The following CCDC171 variants were observed in gnomAD, a reference collection of about 807,000 sequenced individuals.
CCDC171 encodes coiled-coil domain-containing protein 171.
CCDC171 carries 177 observed loss-of-function variants against 168.2 expected under a neutral mutation model. That is an observed-to-expected ratio of 1.05 (90% CI 0.93 to 1.19). The LOEUF is 1.19. CCDC171 is among the 50% of genes most tolerant of loss of function. CCDC171 has a pLI of 0.00. For missense variants in CCDC171, 1,991 were observed against 1,539.0 expected, an observed-to-expected ratio of 1.29 and a Z score of -4.91; for synonymous variants, 687 against 540.8, an observed-to-expected ratio of 1.27 and a Z score of -3.75.
chr9:15,892,832 A>G (rs1820399275), intron 24 of CCDC171, among the ~76,000 whole-genome samples: 1 of 152,220 alleles, frequency 6.6e-6, no homozygotes. Flanking sequence ...GATAAGAAGA[A>G]TCAATATTGT....
In CCDC171 at chr9:15,809,180, G is replaced by A. The variant is rs78082769; in HGVS notation, c.3267+24486G>A. Among the ~76,000 whole-genome samples, 1,076 of 152,288 alleles carry A rather than the reference G, an allele frequency of 7.1e-3. 9 individuals carry two copies. Among genetic ancestry groups the A allele is most frequent in the African/African-American group, 0.025 (1,022 of 41,568 alleles). On this transcript the variant is annotated intron_variant, in intron 21 of 25. Coordinates refer to ENST00000380701, the MANE Select transcript of CCDC171 (RefSeq NM_173550.4). Reference sequence around the variant, plus strand: ...CAAATCATAGCAAGTGGGTATTGGAGTTAGATAATAATTGTGAGCCAGGCA... The same window carrying A: ...CAAATCATAGCAAGTGGGTATTGGAATTAGATAATAATTGTGAGCCAGGCA...
intron 16 of CCDC171, among the ~76,000 whole-genome samples, chr9:15,735,128 G>T (rs901311002): frequency 2.6e-5 from 4 of 152,026 alleles, no homozygotes; most frequent in African/African-American, 9.7e-5. Flanking sequence ...CTTTAAAACA[G>T]TTAGTGTAAA....
At chr9:15,904,088 T>C (rs1361362861) in intron 24 of CCDC171, among the ~76,000 whole-genome samples, 1 of 152,086 alleles carries the variant, frequency 6.6e-6, no homozygotes, top group Non-Finnish European at 1.5e-5. Flanking sequence ...TGGAACCAAG[T>C]TGGAAAACAC....
chr9:15,891,036 A>G (rs1407096501), intron 24 of CCDC171, among the ~76,000 whole-genome samples: 1 of 152,166 alleles, frequency 6.6e-6, no homozygotes, highest in East Asian at 1.9e-4. Context: ...AAAATTGTTC[A>G]TATTATATTT....
chr9:15,850,796 T>C (rs1020702793), intron 23 of CCDC171, among the ~76,000 whole-genome samples: 3 of 151,960 alleles, frequency 2.0e-5, no homozygotes, highest in African/African-American at 4.8e-5. Flanking sequence ...GGACTTCCCA[T>C]TGGCATTTTG....
chr9:15,712,862 A>G (rs2052776579), intron 11 of CCDC171, among the ~76,000 whole-genome samples: 1 of 152,178 alleles, frequency 6.6e-6, no homozygotes, highest in South Asian at 2.1e-4. Context: ...CCTTGCTGCT[A>G]TGACTCTTTT....
intron 20 of CCDC171, among the ~76,000 whole-genome samples, chr9:15,783,813 T>G (rs1262528769): frequency 6.7e-6 from 1 of 150,276 alleles, no homozygotes; most frequent in African/African-American, 2.5e-5. Flanking sequence ...GTGTAGATTT[T>G]GTTGGCAGAT....
Position 15,841,255 on chromosome 9 carries a change from G to A in CCDC171, c.3268-5447G>A, listed in dbSNP as rs117448815. On this transcript the variant is annotated intron_variant, in intron 21 of 25. Transcript: ENST00000380701. ...GATAAAATAATTTTAAAAATTATAC[G>A]TATTTGTATGTATATATAAGTAAAT... Among the ~76,000 whole-genome samples, 791 of 151,848 alleles carry A rather than the reference G, an allele frequency of 5.2e-3. 4 individuals are homozygous for A. The highest frequency in any genetic ancestry group is 8.7e-3 in the Non-Finnish European group (593 of 67,880).
intron 1 of CCDC171, chr9:15,553,564 TC>T (rs1420675196): frequency 1.3e-5 from 2 of 152,482 alleles, no homozygotes; most frequent in East Asian, 3.8e-4. Context: ...ATTTGGAGCT[TC>T]TTAGGGTTAC....
intron 7 of CCDC171, among the ~76,000 whole-genome samples, chr9:15,644,583 C>A (rs1371765930): frequency 6.6e-6 from 1 of 152,238 alleles, no homozygotes; most frequent in African/African-American, 2.4e-5. Context: ...AAACGGAACA[C>A]CAGGAGATTA....
At chr9:15,949,255 A>G (rs950645773) in intron 25 of CCDC171, among the ~76,000 whole-genome samples, 5 of 152,036 alleles carry the variant, frequency 3.3e-5, no homozygotes, top group Non-Finnish European at 7.4e-5. Context: ...GTCAGGTAGC[A>G]TGATGCCTCC....
chr9:15,639,683 C>G (rs2046448915), intron 7 of CCDC171, among the ~76,000 whole-genome samples: 1 of 152,110 alleles, frequency 6.6e-6, no homozygotes, highest in Non-Finnish European at 1.5e-5. Context: ...TCCTCAGTGA[C>G]TTTAACTTTG....
intron 7 of CCDC171, among the ~76,000 whole-genome samples, chr9:15,629,015 C>G (rs2045438182): frequency 6.6e-6 from 1 of 151,986 alleles, no homozygotes; most frequent in Non-Finnish European, 1.5e-5. Context: ...GACATCCACA[C>G]CAAAAACCCT....
chr9:15,642,436 A>T (rs1232900525), intron 7 of CCDC171, among the ~76,000 whole-genome samples: 3 of 146,374 alleles, frequency 2.0e-5, no homozygotes, highest in Non-Finnish European at 3.0e-5. Flanking sequence ...TGTTGATTAC[A>T]TTAGGATTGG....
chr9:15,786,811 C>A (rs2057983417), intron 21 of CCDC171, among the ~76,000 whole-genome samples: 1 of 152,134 alleles, frequency 6.6e-6, no homozygotes, highest in African/African-American at 2.4e-5. Flanking sequence ...ACATTCTTCT[C>A]CAGGACAATG....
At chr9:15,791,086 T>C (rs1025521599) in intron 21 of CCDC171, among the ~76,000 whole-genome samples, 1 of 152,192 alleles carries the variant, frequency 6.6e-6, no homozygotes, top group Non-Finnish European at 1.5e-5. Flanking sequence ...GCGGGCTCTT[T>C]TTTGGTTCCA....
At position 15,695,253 on chromosome 9, in the gene CCDC171, T is replaced by G. The variant is rs2133774783; in HGVS notation, c.1234T>G (p.Phe412Val). 1 of 1,613,938 alleles carries G rather than the reference T, an allele frequency of 6.2e-7. No individual in the cohort carries two copies. Among genetic ancestry groups the G allele is most frequent in the African/African-American group, 1.3e-5 (1 of 75,054 alleles). The change falls in exon 11 of 26, where the codon TTC becomes GTC. Residue 412 changes from phenylalanine to valine, a missense_variant. Phe to Val is a conservative substitution (Grantham distance 50). Coordinates refer to ENST00000380701, the MANE Select transcript of CCDC171 (RefSeq NM_173550.4). ...ELVMAKKHQA[F>V]LVETCENNVK... ...TTAAAAGGCTAAGAAGCACCAGGCCTTCCTAGTAGAGACATGTGAAAATAA... is the reference window on the plus strand; with the variant it reads ...TTAAAAGGCTAAGAAGCACCAGGCCGTCCTAGTAGAGACATGTGAAAATAA...
intron 25 of CCDC171, among the ~76,000 whole-genome samples, chr9:15,955,814 A>C (rs574955233): frequency 9.9e-5 from 15 of 152,086 alleles, no homozygotes; most frequent in African/African-American, 2.7e-4. Context: ...GGTGCTTTCT[A>C]TCAGGGACTT....
intron 3 of CCDC171, among the ~76,000 whole-genome samples, chr9:16,010,760 A>AAC (rs56770483): frequency 2.0e-5 from 3 of 148,312 alleles, no homozygotes; most frequent in Admixed American, 6.7e-5. Context: ...AAAAAAAAAA[A>AAC]CCCAAACCTC....
Sources: gnomAD v4.1 joint callset for allele counts (sites outside exome capture counted in the v4.1 genomes callset) on GRCh38, gnomAD v4.1.1 for gene constraint, MANE v1.5 for transcripts, NCBI Gene and HGNC (gene_info 2026-07-23, HGNC 2026-07-21) for gene names.